The following SLC24A3 variants were observed in gnomAD, a reference collection of about 807,000 sequenced individuals.
SLC24A3 encodes solute carrier family 24 member 3, also known as sodium/potassium/calcium exchanger 3.
Under a neutral mutation model 75.8 loss-of-function variants are expected in SLC24A3, and 28 were observed. The observed-to-expected ratio is 0.37, with a 90% CI of 0.27 to 0.51. The LOEUF (loss-of-function observed/expected upper bound fraction) is 0.51. SLC24A3 is among the 20% of genes least tolerant of loss of function. SLC24A3 has a pLI of 0.94. For synonymous variants in SLC24A3, 372 were observed against 334.1 expected (o/e 1.11, Z -1.24); for missense variants, 663 against 847.8 (o/e 0.78, Z 2.71).
intron 2 of SLC24A3, among the ~76,000 whole-genome samples, chr20:19,391,982 T>C (rs1047542281): frequency 1.2e-4 from 18 of 152,224 alleles, no homozygotes; most frequent in African/African-American, 4.3e-4. Flanking sequence ...TGGGTACAGA[T>C]GACCCTTCGC....
At chr20:19,249,370 C>A (rs1465254834) in intron 1 of SLC24A3, among the ~76,000 whole-genome samples, 1 of 152,170 alleles carries the variant, frequency 6.6e-6, no homozygotes, top group Non-Finnish European at 1.5e-5. Flanking sequence ...TATCTTCAAG[C>A]ATTTCTTTAA....
chr20:19,453,635 G>A (rs1261982842), intron 2 of SLC24A3, among the ~76,000 whole-genome samples: 1 of 152,210 alleles, frequency 6.6e-6, no homozygotes, highest in Non-Finnish European at 1.5e-5. Flanking sequence ...CAGTGTTGAA[G>A]TTCTACTTGA....
chr20:19,594,195 C>T (rs907504600), intron 6 of SLC24A3, among the ~76,000 whole-genome samples: 1 of 152,174 alleles, frequency 6.6e-6, no homozygotes, highest in South Asian at 2.1e-4. Context: ...GGAAGGCTTC[C>T]ACCTCTGTTC....
At chr20:19,711,250 T>C (rs1420402982) in intron 15 of SLC24A3, among the ~76,000 whole-genome samples, 2 of 130,220 alleles carry the variant, frequency 1.5e-5, no homozygotes, top group Admixed American at 7.8e-5. Context: ...CAGGCAAATG[T>C]GCACACACAC....
At chr20:19,611,375 A>AT (rs11483653) in intron 6 of SLC24A3, among the ~76,000 whole-genome samples, 43,253 of 152,034 alleles carry the variant, frequency 0.28, 6,287 homozygotes, top group African/African-American at 0.35. Flanking sequence ...CCGTTGAGAG[A>AT]TTTTTTGAAT....
intron 9 of SLC24A3, among the ~76,000 whole-genome samples, chr20:19,679,075 G>A (rs2032574967): frequency 6.6e-6 from 1 of 152,102 alleles, no homozygotes; most frequent in South Asian, 2.1e-4. Context: ...GCCAGGCAGA[G>A]ACGCTCCTCA....
intron 2 of SLC24A3, among the ~76,000 whole-genome samples, chr20:19,441,913 T>A (rs1987305213): frequency 6.6e-6 from 1 of 152,230 alleles, no homozygotes; most frequent in South Asian, 2.1e-4. Flanking sequence ...ATTTTTTTTA[T>A]GTGACATTTC....
chr20:19,557,714 T>C (rs774658658), intron 3 of SLC24A3, among the ~76,000 whole-genome samples: 13 of 152,242 alleles, frequency 8.5e-5, no homozygotes, highest in African/African-American at 3.1e-4. Flanking sequence ...ACAAAACTAA[T>C]CACTTGAGAA....
intron 6 of SLC24A3, among the ~76,000 whole-genome samples, chr20:19,609,056 A>G (rs1329658028): frequency 6.6e-6 from 1 of 152,228 alleles, no homozygotes; most frequent in Non-Finnish European, 1.5e-5. Context: ...TGAGGAAGAA[A>G]AAAAGTCAAG....
chr20:19,445,145 C>T lies in SLC24A3; in HGVS notation c.272-70343C>T, dbSNP rs947566203. On this transcript the variant is annotated intron_variant, in intron 2 of 16. Transcript: ENST00000328041. ...CTCTTTATAGTAAAATCCAGTACAG[C>T]GTTACACATAATATGGATCTTGGCT... Among the ~76,000 whole-genome samples the T allele has an allele frequency of 2.6e-5, 4 of 152,160 alleles. No individual in the cohort carries two copies. The East Asian group carries it at 5.8e-4, about 22-fold the overall frequency.
intron 2 of SLC24A3, among the ~76,000 whole-genome samples, chr20:19,474,555 C>T (rs563710220): frequency 2.0e-5 from 3 of 152,072 alleles, no homozygotes; most frequent in Non-Finnish European, 4.4e-5. Flanking sequence ...AGAGCTGGGT[C>T]TCCGTGGAGA....
chr20:19,276,409 T>TGG (rs1290716642), intron 1 of SLC24A3, among the ~76,000 whole-genome samples: 1 of 152,234 alleles, frequency 6.6e-6, no homozygotes, highest in Non-Finnish European at 1.5e-5. Context: ...AAATGCACTG[T>TGG]TAGGCGATTT....
At position 19,501,495 on chromosome 20, in the gene SLC24A3, G is replaced by A. The variant is rs149728354; in HGVS notation, c.272-13993G>A. On this transcript the variant is annotated intron_variant, in intron 2 of 16. Transcript: ENST00000328041. The stretch of plus-strand genomic sequence containing the variant: ...AATTTCAATTTGGCGACTTCACATG[G>A]GACATCAAAATCTGACACTTGCAGG... Among the ~76,000 whole-genome samples the A allele has an allele frequency of 3.8e-3, 580 of 152,204 alleles. 4 individuals carry two copies. Among genetic ancestry groups the A allele is most frequent in the African/African-American group, 0.013 (551 of 41,532 alleles).
At chr20:19,462,274 C>CTT (rs112995658) in intron 2 of SLC24A3, among the ~76,000 whole-genome samples, 68,717 of 148,198 alleles carry the variant, frequency 0.46, 17,136 homozygotes, top group Non-Finnish European at 0.56. Context: ...GGGTGGCTTT[C>CTT]TTTCTTTTTT....
intron 2 of SLC24A3, among the ~76,000 whole-genome samples, chr20:19,474,726 G>T (rs186974166): frequency 2.6e-4 from 40 of 152,162 alleles, no homozygotes; most frequent in Non-Finnish European, 5.1e-4. Context: ...GAATTTTTTT[G>T]TGTGTGTGGT....
intron 6 of SLC24A3, among the ~76,000 whole-genome samples, chr20:19,607,086 C>T (rs915337840): frequency 3.3e-5 from 5 of 152,284 alleles, no homozygotes; most frequent in East Asian, 1.9e-4. Flanking sequence ...AGTTCACAGA[C>T]GTCCTTTGAG....
intron 2 of SLC24A3, among the ~76,000 whole-genome samples, chr20:19,474,709 C>T (rs566604825): frequency 6.6e-6 from 1 of 152,296 alleles, no homozygotes; most frequent in South Asian, 2.1e-4. Flanking sequence ...TTCATCACCT[C>T]ATGTTGGAAT....
At chr20:19,577,803 T>C (rs2031161884) in intron 3 of SLC24A3, among the ~76,000 whole-genome samples, 3 of 152,392 alleles carry the variant, frequency 2.0e-5, no homozygotes, top group African/African-American at 7.2e-5. Flanking sequence ...CAATCCCTTT[T>C]AAGGGCGTCT....
In SLC24A3 at chr20:19,665,892, A is replaced by G; in HGVS notation, c.713+3A>G. The G allele has an allele frequency of 6.2e-7, 1 of 1,611,498 alleles. No individual in the cohort carries two copies. Among genetic ancestry groups the G allele is most frequent in the Non-Finnish European group, 8.5e-7 (1 of 1,179,050 alleles). ...ATTTATGATGAAAAAGTTTCCTGGT[A>G]AGTACCTCTCTTTCCCCTTCTCATT... On this transcript the variant is annotated splice_donor_region_variant and intron_variant, in intron 8 of 16. Transcript: ENST00000328041.
Sources: allele counts gnomAD v4.1 joint callset (sites outside exome capture counted in the v4.1 genomes callset), GRCh38; gene constraint gnomAD v4.1.1; transcripts MANE v1.5; gene names NCBI Gene and HGNC (gene_info 2026-07-23, HGNC 2026-07-21).